CP: variants seen among roughly 807,000 people sequenced by gnomAD.
CP encodes caeruloplasmin.
Under a neutral mutation model 122.4 loss-of-function variants are expected in CP, and 64 were observed. The observed-to-expected ratio is 0.52, with a 90% CI of 0.43 to 0.64. CP has a LOEUF of 0.64. CP is among the 30% of genes least tolerant of loss of function. The pLI is 0.00. For missense variants in CP, 1,167 were observed against 1,284.4 expected, an observed-to-expected ratio of 0.91 and a Z score of 1.40; for synonymous variants, 440 against 436.4, an observed-to-expected ratio of 1.01 and a Z score of -0.10.
intron 8 of CP, 36 bp from the exon 9 acceptor site, chr3:149,198,614 C>G: frequency 6.3e-7 from 1 of 1,588,222 alleles, no homozygotes; most frequent in South Asian, 1.1e-5. Context: ...GTGAAGTGTG[C>G]TTTCTAACGT....
In CP at chr3:149,177,912, C is replaced by A; in HGVS notation, c.2946G>T (p.Trp982Cys). 1 of 1,613,538 alleles carries A rather than the reference C, an allele frequency of 6.2e-7. No individual in the cohort carries two copies. Among genetic ancestry groups the A allele is most frequent in the South Asian group, 1.1e-5 (1 of 91,068 alleles). The stretch of plus-strand genomic sequence containing the variant: ...TTTCATTGCCCATTCCCATCAGATA[C>A]CAGTTGACTTCATCTCCCACGTGCA... The part of the protein sequence containing the change: ...LTMHVGDEVN[W>C]YLMGMGNEID... Residue 982 changes from tryptophan to cysteine, a missense_variant, in exon 17 of 19, where the codon TGG (tryptophan) becomes TGT (cysteine). Around this residue, in one of 2 missense-constraint regions of CP, gnomAD observed 525 missense variants for 657.2 expected, o/e 0.80. Transcript: ENST00000264613.
chr3:149,192,617 C>T (rs908047850), intron 9 of CP, among the ~76,000 whole-genome samples: 5 of 150,276 alleles, frequency 3.3e-5, no homozygotes, highest in African/African-American at 9.8e-5. Flanking sequence ...AAAACACACA[C>T]AAAAAAGAAA....
intron 7 of CP, 65 bp downstream of exon 7, chr3:149,202,037 C>T: frequency 6.2e-7 from 1 of 1,603,956 alleles, no homozygotes; most frequent in Admixed American, 1.7e-5. Flanking sequence ...AGTTACTATT[C>T]TTTCTGAGGT....
At chr3:149,194,185 A>G (rs1474084644) in intron 9 of CP, among the ~76,000 whole-genome samples, 1 of 151,866 alleles carries the variant, frequency 6.6e-6, no homozygotes, top group African/African-American at 2.4e-5. Flanking sequence ...TAGGAATCTA[A>G]AAGTAGAAAA....
chr3:149,184,927 T>C (rs701755), intron 12 of CP, among the ~76,000 whole-genome samples: 24,452 of 152,228 alleles, frequency 0.16, 2,115 homozygotes, highest in Non-Finnish European at 0.19. Context: ...AATTTGGGCA[T>C]TAACTTTTGT....
chr3:149,207,837 C>T (rs1403087130), intron 4 of CP, among the ~76,000 whole-genome samples: 1 of 152,096 alleles, frequency 6.6e-6, no homozygotes, highest in Non-Finnish European at 1.5e-5. Context: ...ACCATATTAA[C>T]AGATGAACAC....
At chr3:149,163,788 TA>T in intron 5 of CP, 1 of 957,456 alleles carries the variant, frequency 1.0e-6, no homozygotes, top group Non-Finnish European at 1.7e-6. Context: ...GTGGAATGGA[TA>T]AGCAAGCTTT....
intron 18 of CP, 25 bp from the exon 19 acceptor site, chr3:149,173,755 C>G (rs1375273107): frequency 1.6e-6 from 2 of 1,225,766 alleles, no homozygotes; most frequent in African/African-American, 3.0e-5. Context: ...ATTTTAAGAC[C>G]ATTATTAAAA....
chr3:149,208,588 A>G (rs1221190605), intron 4 of CP, among the ~76,000 whole-genome samples: 1 of 152,200 alleles, frequency 6.6e-6, no homozygotes, highest in African/African-American at 2.4e-5. Context: ...GAAAATATCT[A>G]CTTATTGGTC....
intron 5 of CP, among the ~76,000 whole-genome samples, chr3:149,165,778 A>G (rs1012141674): frequency 4.6e-5 from 7 of 152,086 alleles, no homozygotes; most frequent in Non-Finnish European, 7.4e-5. Context: ...TCCCTTCCCC[A>G]TTATCTGGAT....
At chr3:149,185,199 A>G (rs1434628631) in intron 12 of CP, 40 bp downstream of exon 12, 6 of 1,606,614 alleles carry the variant, frequency 3.7e-6, no homozygotes, top group Non-Finnish European at 5.1e-6. Context: ...GGAAACCTAA[A>G]ATTACTGCTG....
chr3:149,167,741 G>T (rs893768487), downstream of CP: 3 of 664,138 alleles, frequency 4.5e-6, no homozygotes, highest in Non-Finnish European at 8.2e-6. Flanking sequence ...AAGACTGGCT[G>T]CTGATATAAC....
intron 5 of CP, chr3:149,163,752 G>A (rs1724123311): frequency 1.3e-6 from 1 of 744,844 alleles, no homozygotes; most frequent in South Asian, 1.5e-5. Flanking sequence ...TGACATGGCA[G>A]AGAATTAATG....
rs760776126 is a variant in CP at position 149,178,018 on chromosome 3, ATT to A, written c.2879-41_2879-40del. The A allele has an allele frequency of 1.9e-6, 3 of 1,575,282 alleles. No homozygotes were observed. In the South Asian group the frequency reaches 3.3e-5, roughly 17 times the overall value. ...ATGGTTTTATGTTACTTTTCAGGAT[ATT>A]TTAAACCAATAGCTATTTCAAAGAA... is the stretch of plus-strand genomic sequence containing the variant. On this transcript the variant is annotated intron_variant, in intron 16 of 18. Transcript: ENST00000264613.
At chr3:149,184,028 C>CTTTTTTTTTTTTTTTTTTTTTT (rs869206210) in intron 12 of CP, among the ~76,000 whole-genome samples, 1 of 63,620 alleles carries the variant, frequency 1.6e-5, no homozygotes, top group African/African-American at 6.1e-5. Flanking sequence ...TCACTTACTT[C>CTTTTTTTTTTTTTTTTTTTTTT]TTTTTTTTTT....
At chr3:149,194,405 A>G (rs544088689) in intron 9 of CP, among the ~76,000 whole-genome samples, 21 of 151,916 alleles carry the variant, frequency 1.4e-4, no homozygotes, top group Non-Finnish European at 2.4e-4. Context: ...CACCTGGCTA[A>G]TTTTTGTAAT....
chr3:149,197,178 C>A (rs1252600064), intron 9 of CP, among the ~76,000 whole-genome samples: 1 of 152,136 alleles, frequency 6.6e-6, no homozygotes, highest in Non-Finnish European at 1.5e-5. Flanking sequence ...TCGGACTCAG[C>A]CCGCCTGCAC....
intron 13 of CP, 25 bp downstream of exon 13, chr3:149,183,441 T>C (rs1310298793): frequency 2.5e-6 from 4 of 1,609,284 alleles, no homozygotes; most frequent in African/African-American, 1.3e-5. Context: ...AACCCACACC[T>C]GATAAACTGG....
intron 15 of CP, among the ~76,000 whole-genome samples, 190 bp from the exon 16 acceptor site, chr3:149,178,821 G>C (rs989079613): frequency 1.3e-5 from 2 of 152,132 alleles, no homozygotes; most frequent in African/African-American, 4.8e-5. Flanking sequence ...GTGAGTAGTA[G>C]GTAGGTCATG....
Sources: allele counts gnomAD v4.1 joint callset (sites outside exome capture counted in the v4.1 genomes callset), GRCh38; gene constraint gnomAD v4.1.1; regional missense constraint gnomAD v4.1.1; transcripts MANE v1.5; gene names NCBI Gene and HGNC (gene_info 2026-07-23, HGNC 2026-07-21).